The following LHFPL6 variants were observed in gnomAD, a reference collection of about 807,000 sequenced individuals.
The protein encoded by LHFPL6 is LHFPL tetraspan subfamily member 6 protein.
A neutral mutation model predicts 20.6 loss-of-function variants in LHFPL6; 9 were observed. The observed-to-expected ratio is 0.44, with a 90% CI of 0.26 to 0.76. The LOEUF (loss-of-function observed/expected upper bound fraction) is 0.76. Among genes scored for constraint, LHFPL6 ranks in the 30% least tolerant of loss-of-function variants. The pLI is 0.20. For missense variants in LHFPL6, 218 were observed against 253.5 expected, an observed-to-expected ratio of 0.86 and a Z score of 0.95; for synonymous variants, 105 against 98.7, an observed-to-expected ratio of 1.06 and a Z score of -0.38.
chr13:39,474,677 A>G (rs1210854877), intron 2 of LHFPL6, among the ~76,000 whole-genome samples: 1 of 151,882 alleles, frequency 6.6e-6, no homozygotes. Context: ...CATTTATTAA[A>G]CTCTGCTTTT....
chr13:39,347,183 C>A (rs1437283089), intron 3 of LHFPL6, among the ~76,000 whole-genome samples: 1 of 151,272 alleles, frequency 6.6e-6, no homozygotes, highest in Non-Finnish European at 1.5e-5. Flanking sequence ...TCTCACACTT[C>A]ATGACCACTC....
At chr13:39,373,884 G>T (rs879061748) in intron 3 of LHFPL6, among the ~76,000 whole-genome samples, 2 of 152,190 alleles carry the variant, frequency 1.3e-5, no homozygotes, top group Non-Finnish European at 2.9e-5. Context: ...ACAGATGCTG[G>T]CGAGGCTATG....
At chr13:39,358,588 A>G (rs1869788562) in intron 3 of LHFPL6, among the ~76,000 whole-genome samples, 1 of 93,078 alleles carries the variant, frequency 1.1e-5, no homozygotes, top group African/African-American at 3.1e-5. Flanking sequence ...GAAATGATCA[A>G]CGGAGTAAAC....
chr13:39,544,634 T>C (rs976514696), intron 2 of LHFPL6, among the ~76,000 whole-genome samples: 2 of 151,362 alleles, frequency 1.3e-5, no homozygotes, highest in Admixed American at 6.6e-5. Context: ...TCAGACTACA[T>C]TGAATGGGAA....
chr13:39,598,325 A>C (rs1004778116), intron 2 of LHFPL6, among the ~76,000 whole-genome samples: 1 of 151,954 alleles, frequency 6.6e-6, no homozygotes, highest in Non-Finnish European at 1.5e-5. Context: ...ATTAAGTAAC[A>C]GTGATAAACA....
At chr13:39,514,209 A>C (rs1208833353) in intron 2 of LHFPL6, among the ~76,000 whole-genome samples, 1 of 152,168 alleles carries the variant, frequency 6.6e-6, no homozygotes, top group Non-Finnish European at 1.5e-5. Flanking sequence ...TTAGAGCTTC[A>C]GAATTTTACA....
At chr13:39,383,047 C>T (rs199528992) in intron 2 of LHFPL6, among the ~76,000 whole-genome samples, 7 of 152,046 alleles carry the variant, frequency 4.6e-5, no homozygotes, top group Admixed American at 1.3e-4. Flanking sequence ...TTGCTACCAC[C>T]GTATGTTATG....
intron 1 of LHFPL6, among the ~76,000 whole-genome samples, chr13:39,602,245 G>A (rs1302794466): frequency 6.6e-6 from 1 of 152,052 alleles, no homozygotes; most frequent in African/African-American, 2.4e-5. Context: ...ATAAAGAAAT[G>A]AATACAGAAG....
intron 2 of LHFPL6, among the ~76,000 whole-genome samples, chr13:39,580,861 A>C (rs1466291317): frequency 6.6e-6 from 1 of 152,270 alleles, no homozygotes; most frequent in African/African-American, 2.4e-5. Context: ...AGCAGAATTT[A>C]ACCCTGTCTG....
At chr13:39,595,234 A>C (rs1872734921) in intron 2 of LHFPL6, among the ~76,000 whole-genome samples, 1 of 152,316 alleles carries the variant, frequency 6.6e-6, no homozygotes, top group South Asian at 2.1e-4. Context: ...GCTTTTAATA[A>C]ATCCTGAGCT....
intron 2 of LHFPL6, among the ~76,000 whole-genome samples, chr13:39,507,901 T>TCCTTCCTTCCTC (rs1566127643): frequency 2.7e-5 from 4 of 146,924 alleles, no homozygotes; most frequent in African/African-American, 1.0e-4. Context: ...CTTCCTTCCT[T>TCCTTCCTTCCTC]CCTCCCTTCT....
At chr13:39,587,866 A>G (rs542717713) in intron 2 of LHFPL6, among the ~76,000 whole-genome samples, 1 of 152,120 alleles carries the variant, frequency 6.6e-6, no homozygotes, top group East Asian at 1.9e-4. Flanking sequence ...TTCTGATGAG[A>G]GCTGGGATCA....
rs1195495477 is a variant in LHFPL6 at position 39,463,097 on chromosome 13, G to C, written c.386-84571C>G. ...CGATCTCTGGCAGAGACAGGAAATGGGCTTCATCGCTATTGCCAGCCCAGA... is the reference window on the plus strand; with the variant it reads ...CGATCTCTGGCAGAGACAGGAAATGCGCTTCATCGCTATTGCCAGCCCAGA... On this transcript the variant is annotated intron_variant, in intron 2 of 3. Transcript: ENST00000379589. Among the ~76,000 whole-genome samples the C allele has an allele frequency of 3.3e-5, 5 of 152,260 alleles. No individual in the cohort carries two copies. In the East Asian group the frequency reaches 7.7e-4, roughly 24 times the overall value.
At chr13:39,599,232 A>G (rs1057377105) in intron 2 of LHFPL6, among the ~76,000 whole-genome samples, 4 of 152,242 alleles carry the variant, frequency 2.6e-5, no homozygotes, top group Non-Finnish European at 2.9e-5. Context: ...AATATTTACC[A>G]TAAGAGGAGA....
intron 3 of LHFPL6, among the ~76,000 whole-genome samples, chr13:39,349,708 C>T (rs192538880): frequency 2.0e-5 from 3 of 152,328 alleles, no homozygotes; most frequent in South Asian, 2.1e-4. Flanking sequence ...CTACGTAGTG[C>T]GGTCAGGTCA....
At chr13:39,365,374 G>T (rs779669507) in intron 3 of LHFPL6, among the ~76,000 whole-genome samples, 10 of 152,110 alleles carry the variant, frequency 6.6e-5, no homozygotes, top group Non-Finnish European at 1.3e-4. Flanking sequence ...CTAGAGAACC[G>T]GAACGGAACT....
At chr13:39,529,628 T>C (rs1247880694) in intron 2 of LHFPL6, among the ~76,000 whole-genome samples, 2 of 152,162 alleles carry the variant, frequency 1.3e-5, no homozygotes, top group African/African-American at 4.8e-5. Flanking sequence ...AGAATAAACT[T>C]TGTTGGGCTG....
chr13:39,368,288 AAAAAAAAAATACAGGCTGGGCATGGTG>A (rs1472959629), intron 3 of LHFPL6, among the ~76,000 whole-genome samples: 4 of 150,266 alleles, frequency 2.7e-5, no homozygotes, highest in Non-Finnish European at 5.9e-5. Flanking sequence ...CGGTGGAGGA[AAAAAAAAAATACAGGCTGGGCATGGTG>A]GCTCACGCCT....
chr13:39,397,615 T>C (rs981156287), intron 2 of LHFPL6, among the ~76,000 whole-genome samples: 2 of 152,236 alleles, frequency 1.3e-5, no homozygotes, highest in Non-Finnish European at 2.9e-5. Flanking sequence ...GTTTGGCTAC[T>C]TGTTCTCCAC....
Sources: gnomAD v4.1 joint callset for allele counts (sites outside exome capture counted in the v4.1 genomes callset) on GRCh38, gnomAD v4.1.1 for gene constraint, MANE v1.5 for transcripts, NCBI Gene and HGNC (gene_info 2026-07-23, HGNC 2026-07-21) for gene names.